The following CDH12 variants were observed in gnomAD, a reference collection of about 807,000 sequenced individuals.
The protein encoded by CDH12 is cadherin-12.
Under a neutral mutation model 74.1 loss-of-function variants are expected in CDH12, and 41 were observed. That is an observed-to-expected ratio of 0.55 (90% CI 0.43 to 0.72). The LOEUF is 0.72. CDH12 is among the 30% of genes least tolerant of loss of function. The probability of loss-of-function intolerance (pLI) is 0.00; values close to 1 mark genes in which losing one functional copy is unlikely to be tolerated. For missense variants in CDH12, 945 were observed against 977.2 expected (o/e 0.97, Z 0.44); for synonymous variants, 399 against 355.0 (o/e 1.12, Z -1.39).
At chr5:22,660,557 A>G (rs189037604) in intron 1 of CDH12, among the ~76,000 whole-genome samples, 1 of 152,262 alleles carries the variant, frequency 6.6e-6, no homozygotes, top group East Asian at 1.9e-4. Flanking sequence ...GACTACAGGC[A>G]TGCATCACCA....
chr5:22,429,562 T>C (rs1447127973), intron 2 of CDH12, among the ~76,000 whole-genome samples: 1 of 152,196 alleles, frequency 6.6e-6, no homozygotes, highest in Non-Finnish European at 1.5e-5. Flanking sequence ...TTTCCTTATT[T>C]CTGCCATCAG....
chr5:22,760,002 C>A (rs1017684959), intron 1 of CDH12, among the ~76,000 whole-genome samples: 8 of 152,186 alleles, frequency 5.3e-5, no homozygotes, highest in African/African-American at 1.9e-4. Context: ...TAATCTGCTT[C>A]ATTCAAAGTA....
intron 9 of CDH12, among the ~76,000 whole-genome samples, chr5:21,811,723 T>TTTTTA (rs60546103): frequency 6.7e-6 from 1 of 150,370 alleles, no homozygotes; most frequent in East Asian, 1.9e-4. Context: ...TTTTTTTTTT[T>TTTTTA]ACAGTTTTCT....
At chr5:22,045,271 AT>A (rs1423213874) in intron 5 of CDH12, among the ~76,000 whole-genome samples, 1 of 152,216 alleles carries the variant, frequency 6.6e-6, no homozygotes, top group Non-Finnish European at 1.5e-5. Flanking sequence ...AATGGCTATT[AT>A]CAAAAAGACA....
chr5:22,576,237 C>T (rs1739781927), intron 1 of CDH12, among the ~76,000 whole-genome samples: 1 of 152,148 alleles, frequency 6.6e-6, no homozygotes, highest in Admixed American at 6.5e-5. Context: ...CGCAGTCCTG[C>T]TTTGAAGTTC....
chr5:22,241,761 A>G (rs1418240216), intron 3 of CDH12, among the ~76,000 whole-genome samples: 1 of 152,012 alleles, frequency 6.6e-6, no homozygotes, highest in South Asian at 2.1e-4. Context: ...ATAAATATAT[A>G]CACATATACT....
intron 6 of CDH12, chr5:21,883,456 A>G: frequency 6.2e-7 from 1 of 1,610,982 alleles, no homozygotes; most frequent in Non-Finnish European, 8.5e-7. Context: ...CTCATCTTGA[A>G]TAGGCTAAAG....
intron 10 of CDH12, among the ~76,000 whole-genome samples, chr5:21,787,905 T>C (rs1746282854): frequency 2.0e-5 from 3 of 152,200 alleles, no homozygotes; most frequent in Admixed American, 1.3e-4. Context: ...AATACTTCTT[T>C]ATAGCACCTC....
At chr5:22,345,123 G>A (rs773131149) in intron 3 of CDH12, among the ~76,000 whole-genome samples, 5 of 152,100 alleles carry the variant, frequency 3.3e-5, no homozygotes, top group Non-Finnish European at 7.3e-5. Context: ...TGATGAGGAC[G>A]GGGTAAAGAG....
At chr5:22,361,764 G>T (rs1015825075) in intron 3 of CDH12, among the ~76,000 whole-genome samples, 3 of 152,100 alleles carry the variant, frequency 2.0e-5, no homozygotes, top group African/African-American at 7.2e-5. Flanking sequence ...AGAGACCTCA[G>T]AAATAATACC....
intron 1 of CDH12, among the ~76,000 whole-genome samples, chr5:22,660,811 T>A (rs2126897569): frequency 6.6e-6 from 1 of 152,356 alleles, no homozygotes; most frequent in East Asian, 1.9e-4. Flanking sequence ...ATTTTTTAAT[T>A]GTGAGTTTTT....
At chr5:22,434,766 CT>C (rs551986107) in intron 2 of CDH12, among the ~76,000 whole-genome samples, 2,965 of 151,362 alleles carry the variant, frequency 0.02, 35 homozygotes, top group Non-Finnish European at 0.024. Context: ...TTTTTGTGTG[CT>C]TTTTTTTTCT....
intron 3 of CDH12, among the ~76,000 whole-genome samples, chr5:22,351,356 T>C (rs1446423593): frequency 1.3e-5 from 2 of 152,178 alleles, no homozygotes; most frequent in Non-Finnish European, 2.9e-5. Context: ...CCACAGGTGA[T>C]GGCCCTGCCA....
chr5:21,845,805 A>T (rs761863541), intron 7 of CDH12, among the ~76,000 whole-genome samples: 2 of 152,098 alleles, frequency 1.3e-5, no homozygotes, highest in Non-Finnish European at 2.9e-5. Flanking sequence ...GATAGAAAGA[A>T]ATTACTTAGG....
intron 11 of CDH12, 30 bp downstream of exon 11, chr5:21,783,328 T>C: frequency 4.4e-6 from 7 of 1,597,946 alleles, no homozygotes; most frequent in Non-Finnish European, 6.0e-6. Context: ...AACTGCAGTA[T>C]AACATTGATT....
chr5:22,475,460 G>C (rs1473660223), intron 2 of CDH12, among the ~76,000 whole-genome samples: 1 of 151,692 alleles, frequency 6.6e-6, no homozygotes, highest in East Asian at 1.9e-4. Flanking sequence ...CAATATAAAA[G>C]AAAATAAAAA....
chr5:22,245,879 A>C (rs1350833387), intron 3 of CDH12, among the ~76,000 whole-genome samples: 1 of 152,120 alleles, frequency 6.6e-6, no homozygotes, highest in Non-Finnish European at 1.5e-5. Flanking sequence ...TATTCATATA[A>C]TTTAAATTCA....
At chr5:22,715,081 C>T (rs1743505481) in intron 1 of CDH12, among the ~76,000 whole-genome samples, 1 of 152,156 alleles carries the variant, frequency 6.6e-6, no homozygotes, top group Non-Finnish European at 1.5e-5. Flanking sequence ...CCATCCTGCA[C>T]ATCTGTCATC....
intron 3 of CDH12, among the ~76,000 whole-genome samples, chr5:22,295,646 A>G (rs753884966): frequency 8.5e-5 from 13 of 152,188 alleles, no homozygotes; most frequent in Non-Finnish European, 1.8e-4. Context: ...ACATCTACAC[A>G]TCATGGAAAT....
Sources: allele counts gnomAD v4.1 joint callset (sites outside exome capture counted in the v4.1 genomes callset), GRCh38; gene constraint gnomAD v4.1.1; transcripts MANE v1.5; gene names NCBI Gene and HGNC (gene_info 2026-07-23, HGNC 2026-07-21).